The following RRAGB variants were observed in gnomAD, a reference collection of about 807,000 sequenced individuals.
The protein encoded by RRAGB is Ras related GTP binding B, also known as ras-related GTP-binding protein B.
Under a neutral mutation model 29.3 loss-of-function variants are expected in RRAGB, and 6 were observed. The observed-to-expected ratio is 0.21, with a 90% CI of 0.11 to 0.40. The LOEUF (loss-of-function observed/expected upper bound fraction) is 0.40. Among genes scored for constraint, RRAGB ranks in the 10% least tolerant of loss-of-function variants. RRAGB has a pLI of 1.00. For missense variants in RRAGB, 184 were observed against 272.9 expected (o/e 0.67, Z 2.29); for synonymous variants, 101 against 92.5 (o/e 1.09, Z -0.53).
At chrX:55,743,876 T>C (rs1039917062) in intron 5 of RRAGB, among the ~76,000 whole-genome samples, 1 of 111,705 alleles carries the variant, frequency 9.0e-6, no homozygotes, top group Non-Finnish European at 1.9e-5. Flanking sequence ...ATTGGGAGGA[T>C]TTCCCTTTAC....
At chrX:55,745,200 G>C (rs766183235) in intron 5 of RRAGB, among the ~76,000 whole-genome samples, 1 of 112,179 alleles carries the variant, frequency 8.9e-6, no homozygotes, top group South Asian at 3.7e-4. Flanking sequence ...CAATGTAATG[G>C]ATCTGCCTAA....
Position 55,718,049 on chromosome X carries a change from T to G in RRAGB, c.-279T>G, listed in dbSNP as rs1445844883. On this transcript the variant is annotated 5_prime_UTR_variant, in exon 1 of 10. Coordinates refer to ENST00000374941, the MANE Select transcript of RRAGB (RefSeq NM_006064.5). ...ACGAACCCCTAACCCACCTCTCTTT[T>G]CCTGTCATTCTCCAACTCTTACTTT... 8.4e-6 allele frequency: 2 copies of G among 237,643 alleles called. No individual in the cohort carries two copies. The highest frequency in any genetic ancestry group is 1.5e-5 in the Non-Finnish European group (2 of 132,518). The allele number at this position is 237,643 out of a possible 1,213,427, so 19.6% of individuals were successfully genotyped here.
chrX:55,755,781 G>A, intron 7 of RRAGB, 60 bp from the exon 8 acceptor site: 2 of 1,144,170 alleles, frequency 1.7e-6, no homozygotes, highest in East Asian at 3.0e-5. Flanking sequence ...GCTTTGAGGA[G>A]TAGCAGAGGA....
At chrX:55,730,575 C>T (rs2033642964) in intron 4 of RRAGB, among the ~76,000 whole-genome samples, 1 of 111,944 alleles carries the variant, frequency 8.9e-6, no homozygotes, top group Non-Finnish European at 1.9e-5. Flanking sequence ...TGAGAACTTC[C>T]TGGAAAGCAG....
At chrX:55,728,484 G>C (rs1233417905) in intron 3 of RRAGB, among the ~76,000 whole-genome samples, 1 of 111,919 alleles carries the variant, frequency 8.9e-6, no homozygotes, top group African/African-American at 3.3e-5. Context: ...TGGAGTGAAA[G>C]GCTTTATTAA....
At chrX:55,755,404 A>G (rs2034632254) in intron 7 of RRAGB, 1 of 744,520 alleles carries the variant, frequency 1.3e-6, no homozygotes. Context: ...TTTAAAATAC[A>G]ATTCCAAAAG....
rs1404191794 is a variant in RRAGB at position 55,718,091 on chromosome X, T to C, written c.-237T>C. 3 of 283,100 alleles carry C rather than the reference T, an allele frequency of 1.1e-5. No homozygotes were observed. The highest frequency in any genetic ancestry group is 1.9e-5 in the Non-Finnish European group (3 of 160,415). The allele number at this position is 283,100 out of a possible 1,213,427, so 23.3% of individuals were successfully genotyped here. ...TCTTACTTTGTACCACGGAATCACT[T>C]GGCCTTAAAGCTAGCCAGCTCGGCC... On this transcript the variant is annotated 5_prime_UTR_variant, in exon 1 of 10. Transcript: ENST00000374941.
intron 2 of RRAGB, among the ~76,000 whole-genome samples, chrX:55,719,682 A>G (rs1459180530): frequency 8.9e-6 from 1 of 112,100 alleles, no homozygotes; most frequent in Non-Finnish European, 1.9e-5. Flanking sequence ...ATTGTTCTCC[A>G]GATTTACAAA....
At chrX:55,752,178 G>A (rs1274427707) in intron 6 of RRAGB, 1 of 726,942 alleles carries the variant, frequency 1.4e-6, no homozygotes, top group East Asian at 1.6e-4. Flanking sequence ...TGAGATACCT[G>A]TCTAGGAAAT....
chrX:55,744,404 A>AAAAAAAAAAAAG (rs2034179061), intron 5 of RRAGB, among the ~76,000 whole-genome samples: 2 of 103,656 alleles, frequency 1.9e-5, no homozygotes, highest in East Asian at 6.1e-4. Context: ...AAAAAAAAAA[A>AAAAAAAAAAAAG]GTAGTATAGC....
At chrX:55,749,193 G>T (rs867993918) in intron 5 of RRAGB, among the ~76,000 whole-genome samples, 7 of 84,218 alleles carry the variant, frequency 8.3e-5, no homozygotes, top group Non-Finnish European at 1.4e-4. Context: ...AGTGGGGGGG[G>T]TCAGCCCCCC....
chrX:55,722,337 C>A, intron 3 of RRAGB, 52 bp downstream of exon 3: 1 of 809,178 alleles, frequency 1.2e-6, no homozygotes, highest in Non-Finnish European at 1.8e-6. Context: ...TATTAATAAT[C>A]TGCATAACAC....
At chrX:55,746,142 G>A (rs937686734) in intron 5 of RRAGB, among the ~76,000 whole-genome samples, 2 of 111,181 alleles carry the variant, frequency 1.8e-5, no homozygotes, top group African/African-American at 6.5e-5. Context: ...TCATTCAAGG[G>A]GTCTGGTTTT....
chrX:55,757,102 G>A, intron 8 of RRAGB, 114 bp from the exon 9 acceptor site: 1 of 335,953 alleles, frequency 3.0e-6, no homozygotes, highest in Non-Finnish European at 5.4e-6. Flanking sequence ...TAATGAAGTG[G>A]TGAATTGAGG....
chrX:55,746,848 C>A (rs777226321), intron 5 of RRAGB, among the ~76,000 whole-genome samples: 2 of 112,249 alleles, frequency 1.8e-5, no homozygotes, highest in Non-Finnish European at 3.8e-5. Context: ...AAGTGTGGAA[C>A]CTCTGCTTAA....
chrX:55,723,794 G>A (rs1305848836), intron 3 of RRAGB, among the ~76,000 whole-genome samples: 3 of 111,567 alleles, frequency 2.7e-5, no homozygotes, highest in South Asian at 3.8e-4. Context: ...CTGACCTCAG[G>A]TGATCCGCCT....
At chrX:55,726,526 G>T (rs887858608) in intron 3 of RRAGB, among the ~76,000 whole-genome samples, 5 of 111,614 alleles carry the variant, frequency 4.5e-5, no homozygotes, top group Non-Finnish European at 7.5e-5. Context: ...AATAGACCAG[G>T]TGAGAGATGA....
Position 55,718,414 on chromosome X carries a change from G to T in RRAGB, c.87G>T (p.Ser29=). 1 of 1,179,711 alleles carries T rather than the reference G, an allele frequency of 8.5e-7. No homozygotes were observed. Among genetic ancestry groups the T allele is most frequent in the Non-Finnish European group, 1.1e-6 (1 of 871,626 alleles). ...MDPPLGEPEG[S]LGWVLPNTAM... is the part of the protein sequence containing the mutation. The stretch of plus-strand genomic sequence containing the variant: ...CACCACTAGGGGAACCGGAAGGATC[G>T]CTTGGGTGGGTGAAGGGTATTTGTG... The change falls in exon 1 of 10, where the codon TCG becomes TCT. Residue 29 remains serine (S), a synonymous_variant. Transcript: ENST00000374941.
chrX:55,753,182 C>G (rs909634992), intron 6 of RRAGB, among the ~76,000 whole-genome samples: 7 of 112,310 alleles, frequency 6.2e-5, no homozygotes, highest in Admixed American at 5.6e-4. Flanking sequence ...AGTGTTTGAA[C>G]TTAAAAAAAA....
Sources: gnomAD v4.1 joint callset for allele counts (sites outside exome capture counted in the v4.1 genomes callset) on GRCh38, gnomAD v4.1.1 for gene constraint, MANE v1.5 for transcripts, NCBI Gene and HGNC (gene_info 2026-07-23, HGNC 2026-07-21) for gene names.